Variants in TSHZ2 observed in about 807,000 individuals in gnomAD.
TSHZ2 encodes the protein teashirt zinc finger homeobox 2.
In TSHZ2, 21 loss-of-function variants were observed where a neutral mutation model predicts 74.4. That is an observed-to-expected ratio of 0.28 (90% CI 0.20 to 0.41). The LOEUF (loss-of-function observed/expected upper bound fraction) is 0.41, where lower values mean the gene tolerates loss of function less well. Among genes scored for constraint, TSHZ2 ranks in the 10% least tolerant of loss-of-function variants. The pLI is 1.00. For synonymous variants in TSHZ2, 540 were observed against 515.3 expected (o/e 1.05, Z -0.65); for missense variants, 1,244 against 1,293.5 (o/e 0.96, Z 0.59).
chr20:53,404,795 A>G (rs770317229), intron 2 of TSHZ2, among the ~76,000 whole-genome samples: 14 of 152,244 alleles, frequency 9.2e-5, no homozygotes, highest in Non-Finnish European at 1.8e-4. Flanking sequence ...TGCTAATTCA[A>G]TGAAGGGTTA....
At chr20:53,188,270 TC>T (rs1161817084) in intron 1 of TSHZ2, among the ~76,000 whole-genome samples, 1 of 152,186 alleles carries the variant, frequency 6.6e-6, no homozygotes, top group African/African-American at 2.4e-5. Context: ...ACATGCCTGT[TC>T]CCCCAGCTCT....
chr20:53,421,046 G>A (rs1433662859), intron 2 of TSHZ2, among the ~76,000 whole-genome samples: 1 of 152,204 alleles, frequency 6.6e-6, no homozygotes, highest in African/African-American at 2.4e-5. Context: ...CCCTAATACA[G>A]TTTCTTGATT....
chr20:53,359,951 C>T (rs137970945), intron 2 of TSHZ2, among the ~76,000 whole-genome samples: 2 of 152,248 alleles, frequency 1.3e-5, no homozygotes, highest in African/African-American at 2.4e-5. Context: ...CTTAAGACAT[C>T]GTTATAAAGA....
intron 1 of TSHZ2, among the ~76,000 whole-genome samples, chr20:53,194,549 A>G (rs992371254): frequency 2.0e-5 from 3 of 152,208 alleles, no homozygotes. Context: ...TGTAAATCAT[A>G]CCGAAGGGTT....
intron 1 of TSHZ2, among the ~76,000 whole-genome samples, chr20:53,102,568 A>G (rs1357579341): frequency 6.6e-6 from 1 of 152,150 alleles, no homozygotes; most frequent in African/African-American, 2.4e-5. Context: ...GGTGCAATTT[A>G]CGGAGAGTAG....
chr20:53,268,075 G>A (rs1425779606), intron 2 of TSHZ2, among the ~76,000 whole-genome samples: 6 of 152,128 alleles, frequency 3.9e-5, no homozygotes, highest in Non-Finnish European at 2.9e-5. Flanking sequence ...GGCCACTTGG[G>A]GATGGAGCCT....
At chr20:53,187,387 G>A (rs937687521) in intron 1 of TSHZ2, among the ~76,000 whole-genome samples, 3 of 152,232 alleles carry the variant, frequency 2.0e-5, no homozygotes, top group Non-Finnish European at 2.9e-5. Flanking sequence ...AAGCTGTAAT[G>A]GGAGAGGTGT....
intron 1 of TSHZ2, among the ~76,000 whole-genome samples, chr20:53,219,590 A>T (rs1989510213): frequency 6.6e-6 from 1 of 152,184 alleles, no homozygotes; most frequent in African/African-American, 2.4e-5. Context: ...CCAGAAGTTG[A>T]AATTATCTGT....
In TSHZ2 at chr20:53,253,720, G is replaced by A. The variant is rs1432207191; in HGVS notation, c.262G>A (p.Ala88Thr). The A allele has an allele frequency of 9.9e-6, 16 of 1,614,022 alleles. No individual in the cohort carries two copies. The highest frequency in any genetic ancestry group is 2.2e-5 in the East Asian group (1 of 44,886). Residue 88 changes from alanine to threonine, a missense_variant, in exon 2 of 3, where the codon GCC becomes ACC. This residue lies in a region of TSHZ2 where 470 missense variants were observed against 456.5 expected (regional missense o/e 1.03). Coordinates refer to ENST00000371497, the MANE Select transcript of TSHZ2 (RefSeq NM_173485.6). ...CGAGAACGAGTCTCTGCTGAGTGAC[G>A]CCAGTGATCAGGTGTCGGACATCAA... The part of the protein sequence containing the change: ...DAENESLLSD[A>T]SDQVSDIKSV...
At chr20:53,367,187 A>G (rs1244707803) in intron 2 of TSHZ2, among the ~76,000 whole-genome samples, 3 of 151,954 alleles carry the variant, frequency 2.0e-5, no homozygotes, top group African/African-American at 4.8e-5. Flanking sequence ...CTTGAGGTCC[A>G]GAGTTCAAGA....
At chr20:53,137,198 T>C (rs141077271) in intron 1 of TSHZ2, among the ~76,000 whole-genome samples, 19 of 152,270 alleles carry the variant, frequency 1.2e-4, no homozygotes, top group African/African-American at 4.3e-4. Context: ...AAGAATTAGA[T>C]TTACAAAATA....
At chr20:53,200,097 C>G (rs753684397) in intron 1 of TSHZ2, among the ~76,000 whole-genome samples, 4 of 152,156 alleles carry the variant, frequency 2.6e-5, no homozygotes, top group African/African-American at 4.8e-5. Flanking sequence ...TTATGGAACA[C>G]CAAGACGCTT....
chr20:53,066,788 G>A (rs1985004283), intron 1 of TSHZ2, among the ~76,000 whole-genome samples: 2 of 152,202 alleles, frequency 1.3e-5, no homozygotes, highest in Admixed American at 1.3e-4. Flanking sequence ...TTACAGGCGT[G>A]AGCCACCACG....
intron 2 of TSHZ2, among the ~76,000 whole-genome samples, chr20:53,469,180 C>G (rs1985676411): frequency 6.7e-6 from 1 of 149,194 alleles, no homozygotes. Context: ...GTTTTTTTCT[C>G]TGTAATATTG....
At chr20:53,430,674 A>T (rs1262152417) in intron 2 of TSHZ2, among the ~76,000 whole-genome samples, 1 of 152,126 alleles carries the variant, frequency 6.6e-6, no homozygotes, top group East Asian at 1.9e-4. Flanking sequence ...TTCTAAAAGG[A>T]AAAAGAAAAA....
chr20:53,011,918 T>C (rs1476237445), intron 1 of TSHZ2, among the ~76,000 whole-genome samples: 3 of 152,122 alleles, frequency 2.0e-5, no homozygotes, highest in African/African-American at 7.2e-5. Flanking sequence ...CCCTGCACTT[T>C]ACAAAACAAA....
intron 2 of TSHZ2, among the ~76,000 whole-genome samples, chr20:53,345,991 A>ATGGTT (rs1343016743): frequency 6.6e-6 from 1 of 151,000 alleles, no homozygotes; most frequent in Non-Finnish European, 1.5e-5. Flanking sequence ...ACAAATGAGA[A>ATGGTT]GAGCCAGCAA....
intron 1 of TSHZ2, among the ~76,000 whole-genome samples, chr20:53,083,358 T>A (rs1180679910): frequency 6.6e-6 from 1 of 152,246 alleles, no homozygotes; most frequent in Non-Finnish European, 1.5e-5. Flanking sequence ...TAGGCCTGAC[T>A]TGAGGCTTGT....
At chr20:53,132,733 CTT>C (rs1347673750) in intron 1 of TSHZ2, among the ~76,000 whole-genome samples, 2 of 152,270 alleles carry the variant, frequency 1.3e-5, no homozygotes, top group African/African-American at 2.4e-5. Flanking sequence ...TACTGTGACA[CTT>C]TATCATTGAG....
Sources: allele counts gnomAD v4.1 joint callset (sites outside exome capture counted in the v4.1 genomes callset), GRCh38; gene constraint gnomAD v4.1.1; regional missense constraint gnomAD v4.1.1; transcripts MANE v1.5; gene names NCBI Gene and HGNC (gene_info 2026-07-23, HGNC 2026-07-21).